The following CUBN variants were observed in gnomAD, a reference collection of about 807,000 sequenced individuals.
CUBN encodes the protein 460 kDa receptor.
CUBN carries 282 observed loss-of-function variants against 405.3 expected under a neutral mutation model. That is an observed-to-expected ratio of 0.70 (90% confidence interval 0.63 to 0.77). The LOEUF is 0.77. Among genes scored for constraint, CUBN ranks in the 30% least tolerant of loss-of-function variants. CUBN has a pLI of 0.00. For missense variants in CUBN, 4,514 were observed against 4,475.2 expected, an observed-to-expected ratio of 1.01 and a Z score of -0.25; for synonymous variants, 1,684 against 1,617.0, an observed-to-expected ratio of 1.04 and a Z score of -0.99.
chr10:17,061,119 C>T (rs564886255), intron 22 of CUBN, among the ~76,000 whole-genome samples: 22 of 151,916 alleles, frequency 1.4e-4, no homozygotes, highest in Non-Finnish European at 2.8e-4. Flanking sequence ...AAAAGTATTC[C>T]TAATTAGTAT....
At chr10:17,020,068 G>T in intron 27 of CUBN, 85 bp from the exon 28 acceptor site, 2 of 1,474,926 alleles carry the variant, frequency 1.4e-6, no homozygotes, top group Non-Finnish European at 1.9e-6. Flanking sequence ...AGCAAAAGCT[G>T]TTCCTTGGTT....
rs558263172 is a variant in CUBN, at chr10:16,942,014, G to T, written c.5343-1777C>A. Among the ~76,000 whole-genome samples, 14 of 152,228 alleles carry T rather than the reference G, an allele frequency of 9.2e-5. No individual in the cohort carries two copies. In the South Asian group the frequency reaches 2.1e-3, roughly 23 times the overall value. On this transcript the variant is annotated intron_variant, in intron 36 of 66. Transcript: ENST00000377833. The stretch of plus-strand genomic sequence containing the variant: ...TAAAAGTGGACAAAGGGCTTGAACA[G>T]ATATTCATAAAAGAAGACAAGAAAA...
chr10:17,045,437 G>A (rs1309024083), intron 24 of CUBN, among the ~76,000 whole-genome samples: 1 of 148,452 alleles, frequency 6.7e-6, no homozygotes, highest in Non-Finnish European at 1.5e-5. Context: ...TTGACTCACT[G>A]CAATTTCCAC....
intron 17 of CUBN, among the ~76,000 whole-genome samples, chr10:17,080,388 T>C (rs1835941538): frequency 6.6e-6 from 1 of 152,230 alleles, no homozygotes; most frequent in Non-Finnish European, 1.5e-5. Context: ...TTCCCTAGAT[T>C]TCAGAAATAA....
intron 56 of CUBN, among the ~76,000 whole-genome samples, chr10:16,877,459 G>A (rs1358074754): frequency 6.6e-6 from 1 of 152,044 alleles, no homozygotes; most frequent in Non-Finnish European, 1.5e-5. Context: ...CTGTAGAGTG[G>A]AGTAGAGACC....
At chr10:16,846,737 G>A (rs751838673) in intron 60 of CUBN, among the ~76,000 whole-genome samples, 5 of 151,672 alleles carry the variant, frequency 3.3e-5, no homozygotes, top group Non-Finnish European at 7.4e-5. Flanking sequence ...ACTTGAATTC[G>A]GGAGGCAGAG....
In CUBN at chr10:16,990,489, T is replaced by G; in HGVS notation, c.4195A>C (p.Thr1399Pro). Residue 1399 changes from threonine (T) to proline (P), a missense_variant, in exon 29 of 67, where the codon ACA (threonine) becomes CCA (proline). Around this residue, in one of 5 missense-constraint regions of CUBN, gnomAD observed 1,613 missense variants for 1,542.8 expected, o/e 1.05. Coordinates refer to ENST00000377833, the MANE Select transcript of CUBN (RefSeq NM_001081.4). ...YGCGGELSGA[T>P]GSFSSPGFPN... ...AACCCGGGGCTGCTGAAGGAGCCTG[T>G]GGCCCCAGACAGCTCTCCACCACAA... 1 of 1,614,180 alleles carries G rather than the reference T, an allele frequency of 6.2e-7. No homozygotes were observed. Among genetic ancestry groups the G allele is most frequent in the Non-Finnish European group, 8.5e-7 (1 of 1,180,032 alleles).
Position 17,044,943 on chromosome 10 carries a change from T to A in CUBN, c.3672+64A>T, listed in dbSNP as rs188611219. ...CTTTCCTGAATCTCGAAAATAAAAA[T>A]AAGTGCATTGTGCGTTGGGTGAGAT... On this transcript the variant is annotated intron_variant, in intron 25 of 66. Coordinates refer to ENST00000377833, the MANE Select transcript of CUBN (RefSeq NM_001081.4). 130 of 1,456,620 alleles carry A rather than the reference T, an allele frequency of 8.9e-5. 1 individual carries two copies. The African/African-American group carries it at 1.2e-3, about 13-fold the overall frequency. The allele number at this position is 1,456,620 out of a possible 1,614,324, so 90.2% of individuals were successfully genotyped here.
At chr10:16,864,264 G>T (rs923109331) in intron 59 of CUBN, among the ~76,000 whole-genome samples, 2 of 152,174 alleles carry the variant, frequency 1.3e-5, no homozygotes, top group Non-Finnish European at 2.9e-5. Flanking sequence ...GGATTTGACG[G>T]TTAGGTGTCA....
At chr10:16,981,613 T>A (rs1420674909) in intron 31 of CUBN, among the ~76,000 whole-genome samples, 1 of 152,060 alleles carries the variant, frequency 6.6e-6, no homozygotes, top group Non-Finnish European at 1.5e-5. Flanking sequence ...AAAAGAGCAT[T>A]GTAACAAGCT....
Position 17,085,582 on chromosome 10 carries a change from T to C in CUBN, c.2110+15A>G. 6.2e-7 allele frequency: 1 copy of C among 1,612,666 alleles called. No individual in the cohort carries two copies. The highest frequency in any genetic ancestry group is 8.5e-7 in the Non-Finnish European group (1 of 1,178,724). On this transcript the variant is annotated intron_variant, in intron 16 of 66. Coordinates refer to ENST00000377833, the MANE Select transcript of CUBN (RefSeq NM_001081.4). ...TTCAAATCCCTCTTAAGCCCCCAAC[T>C]GGTAGGTTACTTACAAGGTGATGTT...
intron 59 of CUBN, among the ~76,000 whole-genome samples, chr10:16,862,696 C>T (rs1840053304): frequency 6.6e-6 from 1 of 152,094 alleles, no homozygotes; most frequent in South Asian, 2.1e-4. Context: ...CCTGGGAATG[C>T]TATAACAAAG....
At chr10:16,831,143 C>G (rs753390071) in intron 65 of CUBN, 109 bp downstream of exon 65, 2 of 938,652 alleles carry the variant, frequency 2.1e-6, no homozygotes, top group Non-Finnish European at 3.5e-6. Flanking sequence ...TTAACATAAA[C>G]TAATCAGGTA....
Position 17,108,509 on chromosome 10 carries a change from AG to A in CUBN, c.1111+1130del, listed in dbSNP as rs200737677. Among the ~76,000 whole-genome samples, 1,325 of 152,290 alleles carry A rather than the reference AG, an allele frequency of 8.7e-3. 28 individuals carry two copies. The highest frequency in any genetic ancestry group is 0.03 in the African/African-American group (1,250 of 41,568). ...AAATAGCAAGAGACATGATTATTCA[AG>A]AAATGGAACTGGGTCCACTTATTTG... On this transcript the variant is annotated intron_variant, in intron 10 of 66. Coordinates refer to ENST00000377833, the MANE Select transcript of CUBN (RefSeq NM_001081.4).
chr10:17,105,537 C>T lies in CUBN; in HGVS notation c.1150G>A (p.Gly384Arg). ...PLCTCLPGYT[G>R]NGYGPNGCVQ... ...CATCCATTTGGCCCATAACCATTTC[C>T]AGTATAACCCGGGAGACACGTGCAG... Residue 384 changes from glycine to arginine, a missense_variant, in exon 11 of 67, where the codon GGA (glycine) becomes AGA (arginine). By Grantham distance (125) the Gly-to-Arg change is moderately radical (BLOSUM62 -2). Transcript: ENST00000377833. The T allele has an allele frequency of 6.2e-7, 1 of 1,611,614 alleles. No individual in the cohort carries two copies. Among genetic ancestry groups the T allele is most frequent in the Non-Finnish European group, 8.5e-7 (1 of 1,177,718 alleles).
intron 40 of CUBN, among the ~76,000 whole-genome samples, chr10:16,930,396 T>C (rs908893663): frequency 1.1e-4 from 16 of 152,360 alleles, no homozygotes; most frequent in Middle Eastern, 6.8e-3. Flanking sequence ...CAAGCCACTT[T>C]GCTGTATGCA....
At chr10:17,050,677 T>G (rs576984091) in intron 22 of CUBN, among the ~76,000 whole-genome samples, 1 of 152,232 alleles carries the variant, frequency 6.6e-6, no homozygotes, top group South Asian at 2.1e-4. Flanking sequence ...GATACCTCCT[T>G]AACACCTCAG....
chr10:16,994,726 C>A (rs181531056), intron 28 of CUBN, among the ~76,000 whole-genome samples: 1 of 152,264 alleles, frequency 6.6e-6, no homozygotes, highest in Admixed American at 6.5e-5. Context: ...ACCGGTCATT[C>A]ATAATCTAAA....
chr10:16,949,489 G>A (rs1202885262), intron 34 of CUBN, among the ~76,000 whole-genome samples: 1 of 147,306 alleles, frequency 6.8e-6, no homozygotes, highest in Non-Finnish European at 1.5e-5. Context: ...TGTTTGTTTT[G>A]CCTGAGAGCA....
Sources: allele counts gnomAD v4.1 joint callset (sites outside exome capture counted in the v4.1 genomes callset), GRCh38; gene constraint gnomAD v4.1.1; regional missense constraint gnomAD v4.1.1; transcripts MANE v1.5; gene names NCBI Gene and HGNC (gene_info 2026-07-23, HGNC 2026-07-21).